The following EPHB2 variants were observed in gnomAD, a reference collection of about 807,000 sequenced individuals.
EPHB2 encodes the protein ephrin type-B receptor 2.
EPHB2 carries 18 observed loss-of-function variants against 96.4 expected under a neutral mutation model. The ratio of observed to expected loss-of-function variants is 0.19; its 90% confidence interval spans 0.13 to 0.28. The LOEUF (loss-of-function observed/expected upper bound fraction) is 0.28. Among genes scored for constraint, EPHB2 ranks in the 10% least tolerant of loss-of-function variants. The pLI, the probability that EPHB2 is intolerant of heterozygous loss-of-function variation, is 1.00. For synonymous variants in EPHB2, 506 were observed against 534.1 expected, an observed-to-expected ratio of 0.95 and a Z score of 0.72; for missense variants, 989 against 1,355.4, an observed-to-expected ratio of 0.73 and a Z score of 4.25.
At chr1:22,775,452 G>C (rs914247236) in intron 1 of EPHB2, among the ~76,000 whole-genome samples, 3 of 152,252 alleles carry the variant, frequency 2.0e-5, no homozygotes, top group Non-Finnish European at 4.4e-5. Flanking sequence ...TGTGGTCCTA[G>C]AGAATTACAG....
At position 22,915,981 on chromosome 1, in the gene EPHB2, G is replaced by T. The variant is rs569186823; in HGVS notation, c.*2411G>T. On this transcript the variant is annotated 3_prime_UTR_variant, in exon 16 of 16. Transcript: ENST00000374630. Reference sequence around the variant, plus strand: ...CCATCGTCTGTCACTCACCTGTTCCGGGAGCCTGAGCTGCAAAGGGAAGGA... The same window carrying T: ...CCATCGTCTGTCACTCACCTGTTCCTGGAGCCTGAGCTGCAAAGGGAAGGA... 53 of 152,466 alleles carry T rather than the reference G, an allele frequency of 3.5e-4. No homozygotes were observed. The highest frequency in any genetic ancestry group is 1.3e-3 in the African/African-American group (52 of 41,560). The allele number at this position is 152,466 out of a possible 1,614,324, so 9.4% of individuals were successfully genotyped here.
chr1:22,814,100 G>A (rs1444396652), intron 3 of EPHB2, among the ~76,000 whole-genome samples: 1 of 152,118 alleles, frequency 6.6e-6, no homozygotes, highest in Non-Finnish European at 1.5e-5. Flanking sequence ...AACCTGGGAG[G>A]CAGAGGTTGC....
intron 3 of EPHB2, among the ~76,000 whole-genome samples, chr1:22,795,096 TC>T (rs970643036): frequency 8.5e-5 from 13 of 152,220 alleles, no homozygotes; most frequent in African/African-American, 3.1e-4. Flanking sequence ...GGCACCCCCG[TC>T]CCTGGGGCCT....
intron 1 of EPHB2, among the ~76,000 whole-genome samples, chr1:22,759,558 T>C (rs531954035): frequency 3.7e-4 from 56 of 152,228 alleles, no homozygotes; most frequent in African/African-American, 1.3e-3. Flanking sequence ...GTCTTGAGTG[T>C]CCCTGACAGT....
Position 22,914,183 on chromosome 1 carries a change from C to A in EPHB2, c.*613C>A, listed in dbSNP as rs1412879208. ...GTCTTTGGAGAGTATTTTAGAAACT[C>A]CAATGAAAGACACTGTTTCTCCTGT... On this transcript the variant is annotated 3_prime_UTR_variant, in exon 16 of 16. Transcript: ENST00000374630. The A allele has an allele frequency of 1.3e-5, 4 of 298,036 alleles. No individual in the cohort carries two copies. Among genetic ancestry groups the A allele is most frequent in the Non-Finnish European group, 2.5e-5 (4 of 161,260 alleles). The allele number at this position is 298,036 out of a possible 1,614,324, so 18.5% of individuals were successfully genotyped here.
chr1:22,718,500 C>T (rs1439631968), intron 1 of EPHB2, among the ~76,000 whole-genome samples: 1 of 151,076 alleles, frequency 6.6e-6, no homozygotes. Flanking sequence ...ATTTTCCTGC[C>T]TCAGCCTCCC....
chr1:22,873,298 G>T (rs1212851778), intron 5 of EPHB2, among the ~76,000 whole-genome samples: 1 of 152,162 alleles, frequency 6.6e-6, no homozygotes, highest in Non-Finnish European at 1.5e-5. Flanking sequence ...CTGTCCACTG[G>T]TCTGGAGTGG....
In EPHB2 at chr1:22,731,092, C is replaced by T. The variant is rs916468235; in HGVS notation, c.61+20049C>T. ...GTCTTCTCCCTCTGGCCTGCCCCCA[C>T]TCACCCCAGGAGGCTCTGTTGGCAT... On this transcript the variant is annotated intron_variant, in intron 1 of 15. Transcript: ENST00000374630. 3.3e-5 allele frequency among the ~76,000 whole-genome samples: 5 copies of T among 152,300 alleles called. No individual in the cohort carries two copies. In the East Asian group the frequency reaches 9.6e-4, roughly 29 times the overall value.
intron 9 of EPHB2, among the ~76,000 whole-genome samples, chr1:22,902,428 C>A (rs946044086): frequency 6.6e-6 from 1 of 152,188 alleles, no homozygotes; most frequent in Non-Finnish European, 1.5e-5. Context: ...AGCCAACATT[C>A]TAAAGCAAGG....
intron 3 of EPHB2, among the ~76,000 whole-genome samples, chr1:22,835,092 C>A (rs1645360302): frequency 6.6e-6 from 1 of 151,632 alleles, no homozygotes; most frequent in Admixed American, 6.6e-5. Context: ...AAAGGGGTAC[C>A]TATTGGCCGG....
Position 22,815,663 on chromosome 1 carries a change from A to C in EPHB2, c.811+30587A>C, listed in dbSNP as rs1248850287. On this transcript the variant is annotated intron_variant, in intron 3 of 15. Coordinates refer to ENST00000374630, the MANE Select transcript of EPHB2 (RefSeq NM_017449.5). ...AAGGCATGTGAACATTTTGGAAGCA[A>C]TTTGTCAGTCCTGGAAGCTGCTTGG... is the stretch of plus-strand genomic sequence containing the variant. Among the ~76,000 whole-genome samples, 6 of 152,248 alleles carry C rather than the reference A, an allele frequency of 3.9e-5. No homozygotes were observed. In the South Asian group the frequency reaches 1.2e-3, roughly 31 times the overall value.
Position 22,852,079 on chromosome 1 carries a change from G to C in EPHB2, c.812-10958G>C, listed in dbSNP as rs113081380. Among the ~76,000 whole-genome samples, 1,042 of 152,356 alleles carry C rather than the reference G, an allele frequency of 6.8e-3. 11 individuals carry two copies. The highest frequency in any genetic ancestry group is 0.024 in the African/African-American group (982 of 41,574). ...CCTCCATGTCCTCGTCTGTGAAACA[G>C]AGATCATCATATTCTTCCTCCCAGA... is the stretch of plus-strand genomic sequence containing the variant. On this transcript the variant is annotated intron_variant, in intron 3 of 15. Transcript: ENST00000374630.
intron 14 of EPHB2, 149 bp from the exon 15 acceptor site, chr1:22,912,295 G>A: frequency 8.7e-7 from 1 of 1,146,320 alleles, no homozygotes; most frequent in East Asian, 2.4e-5. Context: ...CAATCATGCA[G>A]AAATACTCAC....
intron 3 of EPHB2, among the ~76,000 whole-genome samples, chr1:22,845,145 A>G (rs1019667708): frequency 1.3e-5 from 2 of 152,240 alleles, no homozygotes; most frequent in African/African-American, 4.8e-5. Context: ...CATGGTGTCC[A>G]GCTCAATTTA....
At chr1:22,803,713 G>GTA (rs1292932592) in intron 3 of EPHB2, among the ~76,000 whole-genome samples, 1 of 147,852 alleles carries the variant, frequency 6.8e-6, no homozygotes, top group African/African-American at 2.5e-5. Context: ...ATATGTATAT[G>GTA]TGTATATATA....
intron 1 of EPHB2, among the ~76,000 whole-genome samples, chr1:22,718,379 CTTTTTTTTTTT>C (rs5773014): frequency 0.026 from 2,123 of 81,586 alleles, 40 homozygotes; most frequent in South Asian, 0.11. Context: ...GCTGTCAATT[CTTTTTTTTTTT>C]TTTTTTTTTT....
At chr1:22,778,623 C>G (rs535326355) in intron 1 of EPHB2, among the ~76,000 whole-genome samples, 12 of 152,340 alleles carry the variant, frequency 7.9e-5, no homozygotes, top group African/African-American at 2.6e-4. Flanking sequence ...TCTACCTCCT[C>G]CCAAGGGGAT....
chr1:22,909,281 T>C, intron 13 of EPHB2, 110 bp downstream of exon 13: 2 of 1,547,976 alleles, frequency 1.3e-6, no homozygotes, highest in Admixed American at 3.6e-5. Context: ...CATAGGCTTC[T>C]GAGATCATGG....
At chr1:22,803,647 A>G (rs4655113) in intron 3 of EPHB2, among the ~76,000 whole-genome samples, 286 of 4,304 alleles carry the variant, frequency 0.066, 2 homozygotes, top group South Asian at 0.17. Context: ...ATATATGTGT[A>G]TATATATATA....
Sources: allele counts gnomAD v4.1 joint callset (sites outside exome capture counted in the v4.1 genomes callset), GRCh38; gene constraint gnomAD v4.1.1; transcripts MANE v1.5; gene names NCBI Gene and HGNC (gene_info 2026-07-23, HGNC 2026-07-21).